CERS3: variants seen among roughly 807,000 people sequenced by gnomAD.
CERS3 encodes ceramide synthase 3, also known as LAG1 homolog, ceramide synthase 3.
CERS3 carries 33 observed loss-of-function variants against 50.3 expected under a neutral mutation model. The observed-to-expected ratio is 0.66, with a 90% confidence interval of 0.50 to 0.88. The LOEUF is 0.88. Among genes scored for constraint, CERS3 ranks in the 40% least tolerant of loss-of-function variants. The pLI is 0.00. For missense variants in CERS3, 470 were observed against 460.3 expected (o/e 1.02, Z -0.19); for synonymous variants, 176 against 155.2 (o/e 1.13, Z -0.99).
intron 10 of CERS3, among the ~76,000 whole-genome samples, chr15:100,460,220 G>A (rs1302063988): frequency 6.6e-6 from 1 of 151,938 alleles, no homozygotes; most frequent in African/African-American, 2.4e-5. Flanking sequence ...TAAAGTTCTG[G>A]CTTTACTACT....
At position 100,504,611 on chromosome 15, in the gene CERS3, G is replaced by A. The variant is rs142247270; in HGVS notation, c.-1-2761C>T. Among the ~76,000 whole-genome samples the A allele has an allele frequency of 1.6e-3, 236 of 152,214 alleles. 1 individual carries two copies. Among genetic ancestry groups the A allele is most frequent in the Admixed American group, 3.7e-3 (57 of 15,294 alleles). ...GAGTGAATCCTATTTATACCATTGC[G>A]AAGTTGTGTAAATATGGTGGAACAA... On this transcript the variant is annotated intron_variant, in intron 2 of 11. Transcript: ENST00000679737.
intron 11 of CERS3, among the ~76,000 whole-genome samples, chr15:100,438,752 G>A (rs2033544818): frequency 6.6e-6 from 1 of 152,250 alleles, no homozygotes; most frequent in Non-Finnish European, 1.5e-5. Flanking sequence ...CCAAGGGGCT[G>A]GTTTCTCCAT....
At chr15:100,478,518 G>A (rs963090563) in intron 7 of CERS3, among the ~76,000 whole-genome samples, 21 of 149,310 alleles carry the variant, frequency 1.4e-4, no homozygotes, top group Middle Eastern at 3.4e-3. Flanking sequence ...AAGGTCAGAT[G>A]ATAACTGCAC....
intron 11 of CERS3, among the ~76,000 whole-genome samples, chr15:100,423,943 C>CT (rs113638589): frequency 0.062 from 8,645 of 139,658 alleles, 724 homozygotes; most frequent in African/African-American, 0.17. Flanking sequence ...TTCTTTCTTT[C>CT]TTTTTTTTTT....
chr15:100,532,534 C>T (rs973193610), upstream of CERS3, among the ~76,000 whole-genome samples: 2 of 151,894 alleles, frequency 1.3e-5, no homozygotes, highest in South Asian at 2.1e-4. Context: ...GGGAGGCCAA[C>T]ACAGGAGGAT....
intron 11 of CERS3, among the ~76,000 whole-genome samples, chr15:100,416,162 G>A (rs577948600): frequency 2.4e-4 from 37 of 152,014 alleles, no homozygotes; most frequent in Non-Finnish European, 3.5e-4. Context: ...CCAAAAAAGA[G>A]CCCCCAAATA....
chr15:100,531,235 A>G (rs115948360), upstream of CERS3, among the ~76,000 whole-genome samples: 713 of 152,396 alleles, frequency 4.7e-3, 8 homozygotes, highest in African/African-American at 0.016. Context: ...ACATAGTTCT[A>G]TAACTCCTGT....
chr15:100,433,512 C>T (rs1410483701), intron 11 of CERS3, among the ~76,000 whole-genome samples: 2 of 152,324 alleles, frequency 1.3e-5, no homozygotes, highest in South Asian at 4.1e-4. Flanking sequence ...TGTCCAAATA[C>T]AGAGGCCCAG....
In CERS3 at chr15:100,484,543, T is replaced by C; in HGVS notation, c.407+7A>G. On this transcript the variant is annotated splice_region_variant and intron_variant, in intron 5 of 11. Coordinates refer to ENST00000679737, the MANE Select transcript of CERS3 (RefSeq NM_001378789.1). ...AGCATTCCTAAAGCTTGGCCCATCC[T>C]CCTTACCAAGCTTCCTGGAATTTCT... The C allele has an allele frequency of 3.8e-6, 6 of 1,590,124 alleles. No homozygotes were observed. Among genetic ancestry groups the C allele is most frequent in the Non-Finnish European group, 5.2e-6 (6 of 1,158,122 alleles).
intron 10 of CERS3, among the ~76,000 whole-genome samples, chr15:100,467,670 C>T (rs963666602): frequency 6.6e-6 from 1 of 151,236 alleles, no homozygotes; most frequent in Non-Finnish European, 1.5e-5. Flanking sequence ...TTGATAGTGT[C>T]ATGAAAGTCA....
chr15:100,540,872 T>C (rs2037186967), intron 1 of CERS3, among the ~76,000 whole-genome samples: 1 of 152,224 alleles, frequency 6.6e-6, no homozygotes, highest in South Asian at 2.1e-4. Flanking sequence ...GAGCAGATTA[T>C]GTCTCTCCCC....
chr15:100,500,206 A>G (rs1350788934), intron 3 of CERS3: 1 of 152,224 alleles, frequency 6.6e-6, no homozygotes, highest in African/African-American at 2.4e-5. Context: ...GTGAAGCAAC[A>G]CATAGTTTTC....
rs1170051830 is a variant in CERS3, at chr15:100,494,210, CATATATATATATATATATATATAT to C, written c.174-3303_174-3280del. On this transcript the variant is annotated intron_variant, in intron 3 of 11. Coordinates refer to ENST00000679737, the MANE Select transcript of CERS3 (RefSeq NM_001378789.1). ...TTTGCTTAGTCACCTTTTTTCTTTT[CATATATATATATATATATATATAT>C]ATATATATATATATATATATATATT... Among the ~76,000 whole-genome samples the C allele has an allele frequency of 2.8e-4, 22 of 78,122 alleles. 2 individuals carry two copies. Among genetic ancestry groups the C allele is most frequent in the African/African-American group, 1.1e-3 (20 of 17,882 alleles). 51.3% of individuals were successfully genotyped at this position (78,122 alleles called of 152,430 possible). A position where few individuals can be genotyped will look rare whatever the true frequency, so the allele number is the denominator to read the frequency against.
intron 11 of CERS3, among the ~76,000 whole-genome samples, chr15:100,424,171 C>G (rs1422898146): frequency 6.6e-6 from 1 of 152,120 alleles, no homozygotes; most frequent in Admixed American, 6.6e-5. Context: ...GAACTCCTGA[C>G]CTCAGGTGAT....
At chr15:100,449,792 C>T (rs1055063240) in intron 11 of CERS3, among the ~76,000 whole-genome samples, 2 of 152,110 alleles carry the variant, frequency 1.3e-5, no homozygotes, top group Admixed American at 1.3e-4. Flanking sequence ...AACTGTTATA[C>T]CAGATGTGTA....
At chr15:100,539,592 G>T (rs2037151463) in intron 1 of CERS3, among the ~76,000 whole-genome samples, 1 of 152,224 alleles carries the variant, frequency 6.6e-6, no homozygotes, top group South Asian at 2.1e-4. Context: ...GATCTCAGGA[G>T]AACTTGCTCA....
intron 10 of CERS3, among the ~76,000 whole-genome samples, chr15:100,460,264 A>G (rs1413629478): frequency 6.6e-6 from 1 of 152,020 alleles, no homozygotes; most frequent in Non-Finnish European, 1.5e-5. Flanking sequence ...GCATTTCCTC[A>G]TCTGTAAAAT....
intron 10 of CERS3, among the ~76,000 whole-genome samples, chr15:100,467,530 C>A (rs1308760699): frequency 4.0e-5 from 6 of 151,696 alleles, no homozygotes; most frequent in Non-Finnish European, 8.8e-5. Flanking sequence ...TATTCTCTGG[C>A]CTTTTAAAGA....
chr15:100,528,940 G>C lies in CERS3; in HGVS notation c.-219C>G, dbSNP rs2036872091. The C allele has an allele frequency of 6.6e-6, 1 of 152,172 alleles. No homozygotes were observed. The highest frequency in any genetic ancestry group is 1.5e-5 in the Non-Finnish European group (1 of 68,040). The allele number at this position is 152,172 out of a possible 1,614,324, so 9.4% of individuals were successfully genotyped here. On this transcript the variant is annotated 5_prime_UTR_variant, in exon 1 of 12. Coordinates refer to ENST00000679737, the MANE Select transcript of CERS3 (RefSeq NM_001378789.1). The stretch of plus-strand genomic sequence containing the variant: ...CACAACTCATCTCTGTGTAAGACCT[G>C]AAATTCCTTCAGAGACCCACCCTCC...
Sources: allele counts gnomAD v4.1 joint callset (sites outside exome capture counted in the v4.1 genomes callset), GRCh38; gene constraint gnomAD v4.1.1; transcripts MANE v1.5; gene names NCBI Gene and HGNC (gene_info 2026-07-23, HGNC 2026-07-21).